PPEF2: variants seen among roughly 807,000 people sequenced by gnomAD.
The protein encoded by PPEF2 is protein phosphatase with EF-hand domain 2, also known as serine/threonine-protein phosphatase with EF-hands 2.
A neutral mutation model predicts 84.7 loss-of-function variants in PPEF2; 84 were observed. That is an observed-to-expected ratio of 0.99 (90% CI 0.83 to 1.19). The LOEUF (loss-of-function observed/expected upper bound fraction) is 1.19, where lower values mean the gene tolerates loss of function less well. Ranked by LOEUF, PPEF2 falls within the 50% of genes most tolerant of loss-of-function variation. The pLI, the probability that PPEF2 is intolerant of heterozygous loss-of-function variation, is 0.00. For synonymous variants in PPEF2, 346 were observed against 345.2 expected (o/e 1.00, Z -0.03); for missense variants, 924 against 937.5 (o/e 0.99, Z 0.19).
At chr4:75,866,693 C>T (rs1257978408) in intron 14 of PPEF2, among the ~76,000 whole-genome samples, 3 of 152,090 alleles carry the variant, frequency 2.0e-5, no homozygotes, top group Admixed American at 6.5e-5. Flanking sequence ...TTCTGCAAGC[C>T]ACATAAAAGT....
chr4:75,897,824 A>T (rs1725042152), intron 1 of PPEF2, among the ~76,000 whole-genome samples: 1 of 152,170 alleles, frequency 6.6e-6, no homozygotes. Context: ...TCGTCTGCCG[A>T]GACCAGCTCA....
chr4:75,876,229 G>C, intron 11 of PPEF2, 58 bp downstream of exon 11: 1 of 1,518,706 alleles, frequency 6.6e-7, no homozygotes, highest in Non-Finnish European at 8.8e-7. Flanking sequence ...TCCCTGGAAG[G>C]GAGAGTTTTG....
intron 5 of PPEF2, 29 bp from the exon 6 acceptor site, chr4:75,888,357 A>G (rs1011710135): frequency 6.7e-7 from 1 of 1,501,706 alleles, no homozygotes; most frequent in Non-Finnish European, 9.3e-7. Flanking sequence ...GGGAAGGAAG[A>G]AAACAACACT....
intron 16 of PPEF2, among the ~76,000 whole-genome samples, chr4:75,861,872 G>C (rs1429085802): frequency 2.0e-5 from 3 of 149,304 alleles, no homozygotes; most frequent in Non-Finnish European, 3.0e-5. Context: ...GCCTCCCAAA[G>C]TGCTGGGATT....
chr4:75,863,373 G>A (rs1267203015), intron 16 of PPEF2, among the ~76,000 whole-genome samples: 2 of 150,944 alleles, frequency 1.3e-5, no homozygotes, highest in East Asian at 3.9e-4. Flanking sequence ...GGTGGCACAC[G>A]CCTGTAGTCC....
intron 6 of PPEF2, among the ~76,000 whole-genome samples, chr4:75,887,180 T>A (rs1320681794): frequency 6.6e-6 from 1 of 152,252 alleles, no homozygotes; most frequent in Non-Finnish European, 1.5e-5. Flanking sequence ...CAAACCTAGA[T>A]GAGAACTGGA....
At chr4:75,870,669 G>A (rs367942210) in intron 13 of PPEF2, among the ~76,000 whole-genome samples, 6 of 152,042 alleles carry the variant, frequency 3.9e-5, no homozygotes, top group African/African-American at 7.2e-5. Flanking sequence ...GAATTGCCTC[G>A]GTCAAGGACT....
intron 2 of PPEF2, among the ~76,000 whole-genome samples, chr4:75,895,051 C>T (rs1219432563): frequency 2.0e-5 from 3 of 152,040 alleles, no homozygotes; most frequent in Non-Finnish European, 4.4e-5. Context: ...AACTCCTGTG[C>T]TCAAGCAATC....
At chr4:75,889,880 C>A in intron 5 of PPEF2, 77 bp downstream of exon 5, 1 of 1,506,604 alleles carries the variant, frequency 6.6e-7, no homozygotes. Context: ...TGGGGCCATT[C>A]TTTCTGTGCT....
rs1471112872 is a variant in PPEF2, at chr4:75,873,255, T to C, written c.1378A>G (p.Ile460Val). 6.2e-7 allele frequency: 1 copy of C among 1,614,136 alleles called. No homozygotes were observed. Among genetic ancestry groups the C allele is most frequent in the Admixed American group, 1.7e-5 (1 of 60,018 alleles). ...CCAAAATAACAGCCTCCTCCTCGAA[T>C]AGTGTTGGCCTTGCAGCCCTCTTGA... ...MAQEGCKANT[I>V]RGGGCYFGPD... Residue 460 changes from isoleucine (I) to valine (V), a missense_variant, in exon 12 of 17, where the codon ATT becomes GTT. By Grantham distance (29) the Ile-to-Val change is conservative (BLOSUM62 3). Transcript: ENST00000286719.
intron 10 of PPEF2, among the ~76,000 whole-genome samples, chr4:75,880,172 A>T (rs984708820): frequency 6.6e-6 from 1 of 152,186 alleles, no homozygotes; most frequent in Non-Finnish European, 1.5e-5. Flanking sequence ...TCCAAGCAGC[A>T]TCCCTAACTT....
At chr4:75,901,988 A>G (rs1239951702) in intron 1 of PPEF2, among the ~76,000 whole-genome samples, 1 of 152,138 alleles carries the variant, frequency 6.6e-6, no homozygotes, top group Non-Finnish European at 1.5e-5. Context: ...AGGTGGAAAA[A>G]AAAAGTGTTT....
chr4:75,868,315 C>CAAAAAA (rs10646136), intron 13 of PPEF2, among the ~76,000 whole-genome samples: 41,218 of 55,786 alleles, frequency 0.74, 16,532 homozygotes, highest in East Asian at 0.92. Flanking sequence ...GACCCTGTCT[C>CAAAAAA]AAAAAAAAAA....
chr4:75,871,958 CTTCA>C lies in PPEF2; in HGVS notation c.1649+63_1649+66del. ...ATTTGAATAAATATAACGTTTGACA[CTTCA>C]TTCAAAGATTCTATGAACACTATAA... On this transcript the variant is annotated intron_variant, in intron 13 of 16. Transcript: ENST00000286719. 4.1e-6 allele frequency: 6 copies of C among 1,458,022 alleles called. No individual in the cohort carries two copies. In the South Asian group the frequency reaches 8.1e-5, roughly 20 times the overall value. The allele number at this position is 1,458,022 out of a possible 1,614,324, so 90.3% of individuals were successfully genotyped here.
In PPEF2 at chr4:75,880,105, G is replaced by A. The variant is rs193001394; in HGVS notation, c.933+2821C>T. Among the ~76,000 whole-genome samples the A allele has an allele frequency of 4.8e-3, 726 of 152,272 alleles. 6 individuals carry two copies. Among genetic ancestry groups the A allele is most frequent in the African/African-American group, 0.017 (697 of 41,538 alleles). Reference sequence around the variant, plus strand: ...GGCCTCCCAAAATGCTGGGATTACAGGCGTGAGCCACTGTGCCTGGCCCAG... The same window carrying A: ...GGCCTCCCAAAATGCTGGGATTACAAGCGTGAGCCACTGTGCCTGGCCCAG... On this transcript the variant is annotated intron_variant, in intron 10 of 16. Coordinates refer to ENST00000286719, the MANE Select transcript of PPEF2 (RefSeq NM_006239.3).
rs982135114 is a variant in PPEF2, at chr4:75,860,868, G to A, written c.2061C>T (p.His687=). The A allele has an allele frequency of 6.2e-7, 1 of 1,614,246 alleles. No homozygotes were observed. ...AGTCATCTGTAATGTCGATATTCAT[G>A]TGAGAGCTGAACAGCTTCCAGGTCT... ...FRQTWKLFSS[H]MNIDITDDCI... is the part of the protein sequence containing the mutation. The change falls in exon 17 of 17, where the codon CAC becomes CAT. Residue 687 remains histidine (H), a synonymous_variant. Coordinates refer to ENST00000286719, the MANE Select transcript of PPEF2 (RefSeq NM_006239.3).
intron 16 of PPEF2, among the ~76,000 whole-genome samples, chr4:75,864,005 T>C (rs2149213387): frequency 6.6e-6 from 1 of 151,870 alleles, no homozygotes; most frequent in Non-Finnish European, 1.5e-5. Flanking sequence ...CCCAAGTACC[T>C]GGGATTACGG....
intron 13 of PPEF2, among the ~76,000 whole-genome samples, chr4:75,871,671 A>G (rs1277706446): frequency 6.6e-6 from 1 of 152,096 alleles, no homozygotes; most frequent in African/African-American, 2.4e-5. Flanking sequence ...GGGTTTTGCC[A>G]TGTTGCCCAG....
At chr4:75,871,643 G>T (rs1724283346) in intron 13 of PPEF2, among the ~76,000 whole-genome samples, 1 of 151,982 alleles carries the variant, frequency 6.6e-6, no homozygotes, top group African/African-American at 2.4e-5. Context: ...GCTAATTTTT[G>T]AATTTTTTGT....
Sources: allele counts gnomAD v4.1 joint callset (sites outside exome capture counted in the v4.1 genomes callset), GRCh38; gene constraint gnomAD v4.1.1; transcripts MANE v1.5; gene names NCBI Gene and HGNC (gene_info 2026-07-23, HGNC 2026-07-21).